FAM135B: variants seen among roughly 807,000 people sequenced by gnomAD.
FAM135B encodes the protein protein FAM135B.
A neutral mutation model predicts 127.7 loss-of-function variants in FAM135B; 43 were observed. The ratio of observed to expected loss-of-function variants is 0.34; its 90% CI spans 0.26 to 0.43. The LOEUF (loss-of-function observed/expected upper bound fraction) is 0.43. FAM135B is among the 20% of genes least tolerant of loss of function. FAM135B has a pLI of 1.00. For synonymous variants in FAM135B, 670 were observed against 665.1 expected, an observed-to-expected ratio of 1.01 and a Z score of -0.11; for missense variants, 1,558 against 1,725.6, an observed-to-expected ratio of 0.90 and a Z score of 1.72.
chr8:138,406,712 G>C (rs188942900), intron 1 of FAM135B, among the ~76,000 whole-genome samples: 58,745 of 148,822 alleles, frequency 0.39, 12,158 homozygotes, highest in African/African-American at 0.52. Flanking sequence ...TTCAACAACC[G>C]TTCATGCTAA....
At chr8:138,479,203 C>T (rs111952678) in intron 1 of FAM135B, among the ~76,000 whole-genome samples, 65 of 152,336 alleles carry the variant, frequency 4.3e-4, no homozygotes, top group African/African-American at 1.5e-3. Flanking sequence ...CACGTGTTCA[C>T]CAACCAGTGA....
At chr8:138,347,740 A>G (rs565521320) in intron 2 of FAM135B, among the ~76,000 whole-genome samples, 1 of 152,296 alleles carries the variant, frequency 6.6e-6, no homozygotes, top group South Asian at 2.1e-4. Context: ...TAGGACAATC[A>G]GACTGGTAGG....
intron 7 of FAM135B, among the ~76,000 whole-genome samples, chr8:138,237,172 T>TTTTTTTTG (rs757949667): frequency 2.2e-4 from 31 of 141,844 alleles, no homozygotes; most frequent in African/African-American, 6.4e-4. Context: ...TTTTTTTTTT[T>TTTTTTTTG]TTGTTGGAGA....
At chr8:138,265,977 G>T in intron 3 of FAM135B, 135 bp from the exon 4 acceptor site, 1 of 847,922 alleles carries the variant, frequency 1.2e-6, no homozygotes, top group Non-Finnish European at 1.8e-6. Context: ...TAAAATCACA[G>T]TAAATGAGAC....
chr8:138,374,038 A>G (rs935877742), intron 1 of FAM135B, among the ~76,000 whole-genome samples: 1 of 152,112 alleles, frequency 6.6e-6, no homozygotes, highest in Admixed American at 6.5e-5. Context: ...TTTGTGACAC[A>G]CACCCTATTC....
At chr8:138,351,121 C>T (rs1216086917) in intron 2 of FAM135B, among the ~76,000 whole-genome samples, 1 of 152,110 alleles carries the variant, frequency 6.6e-6, no homozygotes, top group African/African-American at 2.4e-5. Context: ...TTATGCTTTT[C>T]CAAATTGTGT....
chr8:138,227,300 G>C (rs1819532597), intron 7 of FAM135B, among the ~76,000 whole-genome samples: 1 of 152,184 alleles, frequency 6.6e-6, no homozygotes, highest in South Asian at 2.1e-4. Context: ...AGCTATTTGG[G>C]AGTGGTGGAG....
chr8:138,151,677 T>C lies in FAM135B; in HGVS notation c.2798A>G (p.Gln933Arg), dbSNP rs2130738642. 1 of 1,614,210 alleles carries C rather than the reference T, an allele frequency of 6.2e-7. No individual in the cohort carries two copies. Among genetic ancestry groups the C allele is most frequent in the Non-Finnish European group, 8.5e-7 (1 of 1,180,046 alleles). The change falls in exon 13 of 20, where the codon CAG (glutamine) becomes CGG (arginine). Residue 933 changes from glutamine to arginine, a missense_variant. By Grantham distance (43) the Gln-to-Arg change is conservative. Transcript: ENST00000395297. ...ISEVEGLSQH[Q>R]VPELSCTSAA... ...TGACGTACAGCTCAATTCAGGCACCTGATGTTGAGAGAGACCCTCAACCTC... is the reference window on the plus strand; with the variant it reads ...TGACGTACAGCTCAATTCAGGCACCCGATGTTGAGAGAGACCCTCAACCTC...
At chr8:138,160,775 C>T (rs1239362466) in intron 12 of FAM135B, among the ~76,000 whole-genome samples, 1 of 152,070 alleles carries the variant, frequency 6.6e-6, no homozygotes, top group Non-Finnish European at 1.5e-5. Flanking sequence ...GGGTAGTTAG[C>T]GTCAGAACTG....
At chr8:138,182,185 C>A (rs899285044) in intron 9 of FAM135B, among the ~76,000 whole-genome samples, 7 of 152,226 alleles carry the variant, frequency 4.6e-5, no homozygotes, top group Admixed American at 1.3e-4. Context: ...TTAAATGTGT[C>A]TTTGGGAGGA....
At chr8:138,245,707 T>A (rs4404925) in intron 6 of FAM135B, among the ~76,000 whole-genome samples, 2 of 152,024 alleles carry the variant, frequency 1.3e-5, no homozygotes, top group African/African-American at 4.8e-5. Flanking sequence ...GAGTGGGGTG[T>A]TGCTATAAGG....
At chr8:138,416,156 A>G (rs1005546627) in intron 1 of FAM135B, among the ~76,000 whole-genome samples, 1 of 152,168 alleles carries the variant, frequency 6.6e-6, no homozygotes, top group African/African-American at 2.4e-5. Context: ...ATCCCCCAGG[A>G]CAAAATAAAT....
At chr8:138,300,133 A>C (rs886659933) in intron 3 of FAM135B, among the ~76,000 whole-genome samples, 1 of 152,018 alleles carries the variant, frequency 6.6e-6, no homozygotes, top group Non-Finnish European at 1.5e-5. Context: ...AAAGGGCTCT[A>C]AGGGATCCAG....
chr8:138,391,796 C>A (rs910368812), intron 1 of FAM135B, among the ~76,000 whole-genome samples: 1 of 152,144 alleles, frequency 6.6e-6, no homozygotes, highest in Non-Finnish European at 1.5e-5. Context: ...ATCATCATCC[C>A]CATTTACAGA....
chr8:138,159,521 A>AAACACCG (rs1819145989), intron 12 of FAM135B, among the ~76,000 whole-genome samples: 1 of 149,276 alleles, frequency 6.7e-6, no homozygotes, highest in Non-Finnish European at 1.5e-5. Flanking sequence ...ACCAAACACC[A>AAACACCG]CATGTTCTCA....
At chr8:138,283,914 G>A (rs1018701293) in intron 3 of FAM135B, among the ~76,000 whole-genome samples, 11 of 151,874 alleles carry the variant, frequency 7.2e-5, no homozygotes, top group Non-Finnish European at 1.3e-4. Context: ...AGAGGGAACA[G>A]CATGGGCGAA....
At position 138,151,228 on chromosome 8, in the gene FAM135B, T is replaced by G. The variant is rs2130721014; in HGVS notation, c.3247A>C (p.Thr1083Pro). The G allele has an allele frequency of 1.3e-6, 2 of 1,575,218 alleles. No homozygotes were observed. The highest frequency in any genetic ancestry group is 1.7e-6 in the Non-Finnish European group (2 of 1,160,708). Reference sequence around the variant, plus strand: ...CTCTCACTGACTTCCTCATCCAACGTGCTGGAATGGGTAGAAACAACTCCA... The same window carrying G: ...CTCTCACTGACTTCCTCATCCAACGGGCTGGAATGGGTAGAAACAACTCCA... ...SFGVVSTHSS[T>P]LDEEVSERMF... Residue 1083 changes from threonine to proline, a missense_variant, in exon 13 of 20, where the codon ACG (threonine) becomes CCG (proline). Physicochemically the swap from Thr to Pro is conservative, Grantham distance 38. Around this residue, in one of 5 missense-constraint regions of FAM135B, gnomAD observed 923 missense variants for 865.3 expected, o/e 1.07. Coordinates refer to ENST00000395297, the MANE Select transcript of FAM135B (RefSeq NM_015912.4).
At chr8:138,158,898 T>C (rs1473579597) in intron 12 of FAM135B, among the ~76,000 whole-genome samples, 2 of 152,126 alleles carry the variant, frequency 1.3e-5, no homozygotes, top group African/African-American at 4.8e-5. Context: ...TCCTCAAGGA[T>C]CTAGAACTAG....
In FAM135B at chr8:138,435,700, A is replaced by T. The variant is rs114873404; in HGVS notation, c.-20+60971T>A. ...ATTTAGGTCTACAATAAATATTTCT[A>T]AAAAAAACACATACAAATGAATCAA... On this transcript the variant is annotated intron_variant, in intron 1 of 19. Transcript: ENST00000395297. Among the ~76,000 whole-genome samples the T allele has an allele frequency of 3.9e-3, 587 of 151,974 alleles. 5 individuals carry two copies. The highest frequency in any genetic ancestry group is 0.01 in the African/African-American group (434 of 41,400).
Sources: allele counts gnomAD v4.1 joint callset (sites outside exome capture counted in the v4.1 genomes callset), GRCh38; gene constraint gnomAD v4.1.1; regional missense constraint gnomAD v4.1.1; transcripts MANE v1.5; gene names NCBI Gene and HGNC (gene_info 2026-07-23, HGNC 2026-07-21).